The following LINGO2 variants were observed in gnomAD, a reference collection of about 807,000 sequenced individuals.
LINGO2 encodes the protein leucine rich repeat and Ig domain containing 2.
In LINGO2, 14 loss-of-function variants were observed where a neutral mutation model predicts 30.6. That is an observed-to-expected ratio of 0.46 (90% CI 0.30 to 0.72). LINGO2 has a LOEUF of 0.72. Among genes scored for constraint, LINGO2 ranks in the 30% least tolerant of loss-of-function variants. The pLI is 0.07. For missense variants in LINGO2, 729 were observed against 751.7 expected (o/e 0.97, Z 0.35); for synonymous variants, 317 against 288.5 (o/e 1.10, Z -1.00).
At chr9:28,802,172 T>C in the LINGO2 span, among the ~76,000 whole-genome samples, 1 of 151,994 alleles carries the variant, frequency 6.6e-6, no homozygotes, top group African/African-American at 2.4e-5. Flanking sequence ...AAGTTGTATG[T>C]ATCTCTTTCA....
At chr9:28,737,991 C>T in the LINGO2 span, among the ~76,000 whole-genome samples, 1 of 152,080 alleles carries the variant, frequency 6.6e-6, no homozygotes, top group East Asian at 1.9e-4. Flanking sequence ...TTTTTTCTGG[C>T]ATTCCCTCTC....
chr9:28,444,134 C>G (rs1824313001), intron 2 of LINGO2, among the ~76,000 whole-genome samples: 1 of 152,190 alleles, frequency 6.6e-6, no homozygotes, highest in Non-Finnish European at 1.5e-5. Context: ...CTCCAGTTGT[C>G]CATGTCTCCT....
intron 1 of LINGO2, among the ~76,000 whole-genome samples, chr9:28,615,089 A>AT (rs1176875389): frequency 6.6e-6 from 1 of 152,078 alleles, no homozygotes; most frequent in East Asian, 1.9e-4. Flanking sequence ...TGTACCCTAC[A>AT]TGGGAGAACT....
chr9:28,989,204 T>G, the LINGO2 span, among the ~76,000 whole-genome samples: 1 of 152,158 alleles, frequency 6.6e-6, no homozygotes, highest in Non-Finnish European at 1.5e-5. Context: ...CAATCTAAAT[T>G]ACTACCAACA....
At chr9:28,808,408 G>C in the LINGO2 span, among the ~76,000 whole-genome samples, 5 of 152,122 alleles carry the variant, frequency 3.3e-5, no homozygotes, top group African/African-American at 1.2e-4. Context: ...AAATGCTAAA[G>C]TTTCTATAAA....
chr9:28,701,618 A>T, the LINGO2 span, among the ~76,000 whole-genome samples: 4 of 151,972 alleles, frequency 2.6e-5, no homozygotes, highest in East Asian at 7.8e-4. Context: ...TGTGTTAGCT[A>T]TTCTGGGTCT....
chr9:29,126,403 T>C, the LINGO2 span, among the ~76,000 whole-genome samples: 1 of 152,208 alleles, frequency 6.6e-6, no homozygotes, highest in Middle Eastern at 3.4e-3. Context: ...TAGCAGTGTG[T>C]GACACACAAA....
At chr9:29,169,422 ACAACT>A in the LINGO2 span, among the ~76,000 whole-genome samples, 1 of 152,170 alleles carries the variant, frequency 6.6e-6, no homozygotes, top group Non-Finnish European at 1.5e-5. Flanking sequence ...AAGAACTCAA[ACAACT>A]CAACAAGAAA....
intron 2 of LINGO2, among the ~76,000 whole-genome samples, chr9:28,473,338 T>C (rs1387755583): frequency 6.6e-6 from 1 of 151,982 alleles, no homozygotes; most frequent in Non-Finnish European, 1.5e-5. Flanking sequence ...GGTAGATGGA[T>C]CATCGTCTTT....
chr9:28,181,352 G>A (rs13300738), intron 4 of LINGO2, among the ~76,000 whole-genome samples: 13,896 of 152,202 alleles, frequency 0.091, 812 homozygotes, highest in Middle Eastern at 0.16. Context: ...TTTCATTGTT[G>A]CTTGAATAAT....
intron 1 of LINGO2, among the ~76,000 whole-genome samples, chr9:28,636,174 G>A (rs771854200): frequency 2.9e-4 from 44 of 152,002 alleles, no homozygotes; most frequent in Admixed American, 4.6e-4. Context: ...TTATGGCTGC[G>A]TAGTATCCAT....
the LINGO2 span, among the ~76,000 whole-genome samples, chr9:28,904,841 T>C: frequency 5.9e-5 from 9 of 151,982 alleles, no homozygotes; most frequent in African/African-American, 2.2e-4. Context: ...AAAAAAATAC[T>C]AAAATTTGTA....
At chr9:28,544,996 T>C (rs1564280560) in intron 1 of LINGO2, among the ~76,000 whole-genome samples, 1 of 151,686 alleles carries the variant, frequency 6.6e-6, no homozygotes, top group South Asian at 2.1e-4. Context: ...TTATGTTATA[T>C]ATATTCTTTA....
chr9:28,506,409 T>C (rs1820115757), intron 1 of LINGO2, among the ~76,000 whole-genome samples: 4 of 74,214 alleles, frequency 5.4e-5, no homozygotes, highest in African/African-American at 2.1e-4. Flanking sequence ...CATATATATA[T>C]ATATATATAT....
chr9:29,149,688 CA>C, the LINGO2 span, among the ~76,000 whole-genome samples: 1 of 151,966 alleles, frequency 6.6e-6, no homozygotes, highest in African/African-American at 2.4e-5. Context: ...ACAACCTCCA[CA>C]GACATTTGAA....
the LINGO2 span, among the ~76,000 whole-genome samples, chr9:28,940,821 A>G: frequency 1.3e-5 from 2 of 152,086 alleles, no homozygotes; most frequent in African/African-American, 4.8e-5. Flanking sequence ...TGTTTGCAAA[A>G]CTTACTTTGA....
the LINGO2 span, among the ~76,000 whole-genome samples, chr9:28,812,302 T>C: frequency 3.3e-5 from 5 of 152,132 alleles, no homozygotes; most frequent in African/African-American, 1.2e-4. Flanking sequence ...ATATTTTCAT[T>C]GAGAATTTCA....
chr9:28,760,945 T>TACACACACACAGAC, the LINGO2 span, among the ~76,000 whole-genome samples: 1 of 136,168 alleles, frequency 7.3e-6, no homozygotes, highest in African/African-American at 2.7e-5. Flanking sequence ...TATATATATA[T>TACACACACACAGAC]ACACACACAC....
At chr9:28,570,555 T>A (rs1823636498) in intron 1 of LINGO2, among the ~76,000 whole-genome samples, 1 of 151,694 alleles carries the variant, frequency 6.6e-6, no homozygotes, top group South Asian at 2.1e-4. Flanking sequence ...TTTCAAGTAC[T>A]ATCAGAAGCA....
Sources: allele counts gnomAD v4.1 joint callset (sites outside exome capture counted in the v4.1 genomes callset), GRCh38; gene constraint gnomAD v4.1.1; transcripts MANE v1.5; gene names NCBI Gene and HGNC (gene_info 2026-07-23, HGNC 2026-07-21).